The following EPB41L3 variants were observed in gnomAD, a reference collection of about 807,000 sequenced individuals.
EPB41L3 encodes erythrocyte membrane protein band 4.1 like 3.
A neutral mutation model predicts 127.1 loss-of-function variants in EPB41L3; 57 were observed. The ratio of observed to expected loss-of-function variants is 0.45; its 90% confidence interval spans 0.36 to 0.56. EPB41L3 has a LOEUF of 0.56. Ranked by LOEUF, EPB41L3 falls within the 20% of genes least tolerant of loss-of-function variation. The probability of loss-of-function intolerance (pLI) is 0.00; values close to 1 mark genes in which losing one functional copy is unlikely to be tolerated. For missense variants in EPB41L3, 1,273 were observed against 1,372.2 expected (o/e 0.93, Z 1.14); for synonymous variants, 572 against 549.5 (o/e 1.04, Z -0.57).
chr18:5,453,581 C>G (rs2082589598), intron 3 of EPB41L3, among the ~76,000 whole-genome samples: 1 of 152,208 alleles, frequency 6.6e-6, no homozygotes, highest in Admixed American at 6.5e-5. Context: ...AAATTTCCAG[C>G]AAAACTGATG....
At chr18:5,409,862 G>A (rs998981474) in intron 14 of EPB41L3, among the ~76,000 whole-genome samples, 7 of 151,980 alleles carry the variant, frequency 4.6e-5, no homozygotes, top group African/African-American at 1.7e-4. Context: ...ACTACTTAAT[G>A]GTAGAGAAGA....
intron 3 of EPB41L3, among the ~76,000 whole-genome samples, chr18:5,474,466 CATGT>C (rs1157394385): frequency 6.6e-6 from 1 of 151,954 alleles, no homozygotes; most frequent in Non-Finnish European, 1.5e-5. Context: ...TGTGTGTGCA[CATGT>C]GTGTGTGTGG....
At chr18:5,585,174 A>G (rs16948465) in intron 3 of EPB41L3, among the ~76,000 whole-genome samples, 52,476 of 152,072 alleles carry the variant, frequency 0.35, 9,278 homozygotes, top group African/African-American at 0.41. Context: ...TCTGATTGGA[A>G]TCTGTGTTTC....
In EPB41L3 at chr18:5,510,444, C is replaced by A. The variant is rs139753980; in HGVS notation, c.-11-21250G>T. The stretch of plus-strand genomic sequence containing the variant: ...TATGATCTCAGCTGAGATAAAAAAA[C>A]AAACGTGTAGGAGACTGACAGGCAG... On this transcript the variant is annotated intron_variant, in intron 1 of 22. Coordinates refer to ENST00000341928, the MANE Select transcript of EPB41L3 (RefSeq NM_012307.5). Among the ~76,000 whole-genome samples the A allele has an allele frequency of 4.6e-3, 708 of 152,310 alleles. 10 individuals carry two copies. Among genetic ancestry groups the A allele is most frequent in the African/African-American group, 0.017 (686 of 41,564 alleles).
chr18:5,450,064 G>C (rs2082075921), intron 3 of EPB41L3, among the ~76,000 whole-genome samples: 4 of 152,096 alleles, frequency 2.6e-5, no homozygotes, highest in Non-Finnish European at 5.9e-5. Context: ...ACAGAATGGG[G>C]AAGTGAGACT....
intron 3 of EPB41L3, among the ~76,000 whole-genome samples, chr18:5,453,986 C>T (rs1159915027): frequency 6.6e-6 from 1 of 152,084 alleles, no homozygotes; most frequent in African/African-American, 2.4e-5. Context: ...TTGAACTTGT[C>T]TTTATTTCTA....
At chr18:5,544,139 C>T, upstream of EPB41L3, 1 of 985,480 alleles carries the variant, frequency 1.0e-6, no homozygotes, top group Non-Finnish European at 1.2e-6. Context: ...CTCGTCCTGC[C>T]TGCCCTCCCA....
chr18:5,452,678 C>T (rs1242200253), intron 3 of EPB41L3, among the ~76,000 whole-genome samples: 3 of 124,930 alleles, frequency 2.4e-5, no homozygotes, highest in African/African-American at 9.1e-5. Context: ...TAAAATGACA[C>T]AAATGAGAAA....
chr18:5,606,081 A>G (rs570274367), intron 3 of EPB41L3, among the ~76,000 whole-genome samples: 1 of 152,304 alleles, frequency 6.6e-6, no homozygotes, highest in Admixed American at 6.5e-5. Flanking sequence ...AGGCAGTAAT[A>G]GCATCAGGGA....
At chr18:5,504,868 G>T (rs141700096) in intron 1 of EPB41L3, among the ~76,000 whole-genome samples, 11 of 152,186 alleles carry the variant, frequency 7.2e-5, no homozygotes, top group African/African-American at 2.6e-4. Context: ...CCAATGACCT[G>T]CAGTGCTCCA....
At chr18:5,607,592 T>G (rs373208727) in intron 3 of EPB41L3, among the ~76,000 whole-genome samples, 3 of 152,270 alleles carry the variant, frequency 2.0e-5, no homozygotes, top group African/African-American at 7.2e-5. Flanking sequence ...TAAATAAAAT[T>G]TGCAGGTACA....
At position 5,552,746 on chromosome 18, in the gene EPB41L3, C is replaced by T. The variant is rs368315921; in HGVS notation, c.-306+59594G>A. Among the ~76,000 whole-genome samples, 388 of 152,054 alleles carry T rather than the reference C, an allele frequency of 2.6e-3. 4 individuals are homozygous for T. The highest frequency in any genetic ancestry group is 9.0e-3 in the African/African-American group (371 of 41,438). On this transcript the variant is annotated intron_variant, in intron 3 of 21. Coordinates refer to the EPB41L3 transcript ENST00000545076. The stretch of plus-strand genomic sequence containing the variant: ...AATAACTTTCACCATCACCAGAACC[C>T]TCCAAGGTAGAATCTATTATTACCC...
intron 3 of EPB41L3, among the ~76,000 whole-genome samples, chr18:5,452,096 C>T (rs1218317894): frequency 1.3e-5 from 2 of 152,142 alleles, no homozygotes; most frequent in East Asian, 1.9e-4. Flanking sequence ...CCATCCACCT[C>T]GGCCTCCCAA....
intron 1 of EPB41L3, among the ~76,000 whole-genome samples, chr18:5,542,382 C>G (rs1205010471): frequency 1.3e-5 from 2 of 152,170 alleles, no homozygotes; most frequent in African/African-American, 4.8e-5. Flanking sequence ...TGGTGTGACG[C>G]TTCCTGTACT....
intron 3 of EPB41L3, among the ~76,000 whole-genome samples, chr18:5,465,232 C>T (rs999895979): frequency 2.0e-5 from 3 of 152,188 alleles, no homozygotes; most frequent in Admixed American, 1.3e-4. Flanking sequence ...ATCTTAAGCA[C>T]AATTGTTGCT....
chr18:5,433,705 G>A (rs2079324282), intron 7 of EPB41L3, 149 bp from the exon 8 acceptor site: 1 of 893,770 alleles, frequency 1.1e-6, no homozygotes, highest in Non-Finnish European at 1.7e-6. Flanking sequence ...AAAGGGCTTT[G>A]CAAGAAAGCA....
intron 3 of EPB41L3, among the ~76,000 whole-genome samples, chr18:5,596,228 G>A (rs2094535906): frequency 6.6e-6 from 1 of 152,088 alleles, no homozygotes; most frequent in East Asian, 1.9e-4. Flanking sequence ...CACATCAGAG[G>A]GCATGGCAGA....
intron 5 of EPB41L3, among the ~76,000 whole-genome samples, chr18:5,442,876 C>T (rs1435222312): frequency 1.3e-5 from 2 of 152,138 alleles, no homozygotes; most frequent in African/African-American, 2.4e-5. Flanking sequence ...GTTTTCCATG[C>T]ATCTATACAG....
intron 1 of EPB41L3, among the ~76,000 whole-genome samples, chr18:5,616,824 A>G (rs566536771): frequency 6.6e-6 from 1 of 152,308 alleles, no homozygotes; most frequent in East Asian, 1.9e-4. Context: ...GCTATGGTTC[A>G]TTTTTGTGGT....
Sources: gnomAD v4.1 joint callset for allele counts (sites outside exome capture counted in the v4.1 genomes callset) on GRCh38, gnomAD v4.1.1 for gene constraint, MANE v1.5 for transcripts, NCBI Gene and HGNC (gene_info 2026-07-23, HGNC 2026-07-21) for gene names.